Variants in CFAP70 observed in about 807,000 individuals in gnomAD.
CFAP70 encodes the protein cilia and flagella associated protein 70, also known as cilia- and flagella-associated protein 70.
Under a neutral mutation model 137.6 loss-of-function variants are expected in CFAP70, and 81 were observed. The observed-to-expected ratio is 0.59, with a 90% CI of 0.49 to 0.71. The LOEUF (loss-of-function observed/expected upper bound fraction) is 0.71. CFAP70 is among the 30% of genes least tolerant of loss of function. The pLI is 0.00. For synonymous variants in CFAP70, 382 were observed against 423.6 expected (o/e 0.90, Z 1.20); for missense variants, 976 against 1,226.7 (o/e 0.80, Z 3.05).
chr10:73,291,744 C>T, exon 18 of CFAP70: 1 of 1,614,196 alleles, frequency 6.2e-7, no homozygotes, highest in Non-Finnish European at 8.5e-7. Context: ...CAGGACACCA[C>T]ACAGCAACAA....
At chr10:73,358,310 C>G (rs1237989769) in intron 1 of CFAP70, among the ~76,000 whole-genome samples, 1 of 152,150 alleles carries the variant, frequency 6.6e-6, no homozygotes, top group Non-Finnish European at 1.5e-5. Flanking sequence ...GTCAGGGCAG[C>G]TAGGGTGGGG....
chr10:73,270,788 GGCCT>G, intron 24 of CFAP70, among the ~76,000 whole-genome samples: 1 of 151,110 alleles, frequency 6.6e-6, no homozygotes, highest in East Asian at 2.0e-4. Flanking sequence ...TGCCCACCTT[GGCCT>G]CCCAAAGTGC....
At chr10:73,292,152 C>A in intron 16 of CFAP70, 138 bp from the exon 18 acceptor site, 2 of 1,034,030 alleles carry the variant, frequency 1.9e-6, no homozygotes, top group East Asian at 4.9e-5. Context: ...ATCACTGAAT[C>A]TCAAATGCCT....
chr10:73,277,216 T>C, intron 21 of CFAP70, 24 bp downstream of exon 22: 3 of 1,599,960 alleles, frequency 1.9e-6, no homozygotes, highest in Non-Finnish European at 2.6e-6. Context: ...TTCCATCTAC[T>C]TGCCCTTTTC....
At chr10:73,324,415 A>C (rs1211385652) in intron 8 of CFAP70, among the ~76,000 whole-genome samples, 1 of 152,242 alleles carries the variant, frequency 6.6e-6, no homozygotes, top group East Asian at 1.9e-4. Context: ...TGGAAACTCT[A>C]AAAAGCAGAG....
chr10:73,291,768 C>T lies in CFAP70; in HGVS notation c.1905-13G>A. 6.2e-7 allele frequency: 1 copy of T among 1,613,996 alleles called. No homozygotes were observed. Among genetic ancestry groups the T allele is most frequent in the East Asian group, 2.2e-5 (1 of 44,878 alleles). Reference sequence around the variant, plus strand: ...ACACAGCAACAAGCTGAGAAAAGATCACCAACATGATTAACAACACGGTCC... The same window carrying T: ...ACACAGCAACAAGCTGAGAAAAGATTACCAACATGATTAACAACACGGTCC... On this transcript the variant is annotated splice_polypyrimidine_tract_variant and intron_variant, in intron 17 of 26. Coordinates refer to ENST00000310715, the Ensembl canonical transcript of CFAP70.
At chr10:73,323,332 G>C (rs936429969) in intron 8 of CFAP70, among the ~76,000 whole-genome samples, 11 of 105,026 alleles carry the variant, frequency 1.0e-4, no homozygotes, top group East Asian at 2.8e-4. Context: ...TGGCGGGGGC[G>C]GGGGGGGGGC....
chr10:73,357,347 T>C (rs561708246), intron 1 of CFAP70, among the ~76,000 whole-genome samples: 2 of 152,292 alleles, frequency 1.3e-5, no homozygotes, highest in South Asian at 2.1e-4. Flanking sequence ...AGAATACATA[T>C]GCATGCCAGG....
chr10:73,263,150 G>T (rs149748895), intron 25 of CFAP70, among the ~76,000 whole-genome samples: 1 of 152,260 alleles, frequency 6.6e-6, no homozygotes, highest in Non-Finnish European at 1.5e-5. Context: ...CACCCAGACT[G>T]GAGTGTAGTG....
At chr10:73,356,703 G>C (rs946617223) in intron 1 of CFAP70, among the ~76,000 whole-genome samples, 11 of 152,266 alleles carry the variant, frequency 7.2e-5, no homozygotes, top group African/African-American at 2.6e-4. Context: ...GGCTCTTTAA[G>C]GGCTTTAGTG....
intron 14 of CFAP70, 44 bp from the exon 16 acceptor site, chr10:73,297,217 C>G: frequency 6.3e-7 from 1 of 1,585,096 alleles, no homozygotes; most frequent in Non-Finnish European, 8.6e-7. Context: ...CAGTCCAGCA[C>G]CATGCTGAGA....
chr10:73,320,458 G>A (rs4403733), intron 9 of CFAP70, among the ~76,000 whole-genome samples: 16,031 of 151,592 alleles, frequency 0.11, 1,224 homozygotes, highest in East Asian at 0.3. Context: ...GGAGTAGCTG[G>A]GACTACAGGA....
In CFAP70 at chr10:73,348,133, TTGAGAGCTAAAACTC is replaced by T. The variant is rs766689419; in HGVS notation, c.349+275_349+289del. The T allele has an allele frequency of 7.5e-6, 12 of 1,607,866 alleles. No homozygotes were observed. Among genetic ancestry groups the T allele is most frequent in the Non-Finnish European group, 8.5e-7 (1 of 1,174,416 alleles). ...TTACATTGAATGGCAGGCTGAAATG[TTGAGAGCTAAAACTC>T]TGATTACCTTAGCACTTGATCTAGG... is the stretch of plus-strand genomic sequence containing the variant. On this transcript the variant is annotated intron_variant, in intron 4 of 26. Transcript: ENST00000310715.
At chr10:73,353,456 G>T in intron 3 of CFAP70, 100 bp downstream of exon 3, 1 of 1,082,806 alleles carries the variant, frequency 9.2e-7, no homozygotes, top group Non-Finnish European at 1.3e-6. Flanking sequence ...CATGATTTTA[G>T]TTACATGTTT....
At chr10:73,283,408 T>C (rs931433109) in intron 19 of CFAP70, among the ~76,000 whole-genome samples, 1 of 152,202 alleles carries the variant, frequency 6.6e-6, no homozygotes, top group African/African-American at 2.4e-5. Context: ...AGTGGTTCTA[T>C]CAAATACGGA....
At chr10:73,348,516 C>T (rs751684509) in exon 4 of CFAP70, 1 of 1,511,506 alleles carries the variant, frequency 6.6e-7, no homozygotes, top group Non-Finnish European at 8.8e-7. Context: ...ACTTCAGTCA[C>T]AGTTACTAGA....
chr10:73,351,071 G>GTA (rs1158760266), intron 3 of CFAP70, among the ~76,000 whole-genome samples: 546 of 31,346 alleles, frequency 0.017, 6 homozygotes, highest in Middle Eastern at 0.026. Flanking sequence ...GTGTGTGTGT[G>GTA]TATATATATA....
intron 19 of CFAP70, among the ~76,000 whole-genome samples, chr10:73,282,280 T>C (rs1377010124): frequency 6.6e-6 from 1 of 151,454 alleles, no homozygotes; most frequent in Non-Finnish European, 1.5e-5. Context: ...CTCACACATA[T>C]CCAAAACTGC....
chr10:73,318,058 A>G (rs2050543664), intron 9 of CFAP70, among the ~76,000 whole-genome samples: 1 of 152,166 alleles, frequency 6.6e-6, no homozygotes. Context: ...GAGACAGAGT[A>G]GCGATGGGGC....
Sources: gnomAD v4.1 joint callset for allele counts (sites outside exome capture counted in the v4.1 genomes callset) on GRCh38, gnomAD v4.1.1 for gene constraint, MANE v1.5 for transcripts, NCBI Gene and HGNC (gene_info 2026-07-23, HGNC 2026-07-21) for gene names.